Variants in ADAM12 observed in about 807,000 individuals in gnomAD.
ADAM12 encodes the protein disintegrin and metalloproteinase domain-containing protein 12.
A neutral mutation model predicts 106.4 loss-of-function variants in ADAM12; 70 were observed. That is an observed-to-expected ratio of 0.66 (90% CI 0.54 to 0.80). The LOEUF (loss-of-function observed/expected upper bound fraction) is 0.80, where lower values mean the gene tolerates loss of function less well. Among genes scored for constraint, ADAM12 ranks in the 30% least tolerant of loss-of-function variants. ADAM12 has a pLI of 0.00. For missense variants in ADAM12, 1,010 were observed against 1,171.9 expected, an observed-to-expected ratio of 0.86 and a Z score of 2.02; for synonymous variants, 420 against 433.5, an observed-to-expected ratio of 0.97 and a Z score of 0.39.
At chr10:126,369,401 G>A (rs2133917453) in intron 1 of ADAM12, among the ~76,000 whole-genome samples, 1 of 152,310 alleles carries the variant, frequency 6.6e-6, no homozygotes, top group South Asian at 2.1e-4. Flanking sequence ...TGTGATAAGT[G>A]CTCTGACAGA....
At chr10:126,143,220 A>C (rs977380936) in intron 4 of ADAM12, among the ~76,000 whole-genome samples, 9 of 148,480 alleles carry the variant, frequency 6.1e-5, no homozygotes. Flanking sequence ...TATGGTGTGC[A>C]TGTGTGTGTC....
intron 3 of ADAM12, among the ~76,000 whole-genome samples, chr10:126,158,463 T>G (rs1956864465): frequency 1.3e-5 from 1 of 77,350 alleles, no homozygotes; most frequent in African/African-American, 4.7e-5. Context: ...GGGGAGAGAA[T>G]GCACAGAGCA....
Position 126,064,709 on chromosome 10 carries a change from G to A in ADAM12, c.1609+97C>T. The stretch of plus-strand genomic sequence containing the variant: ...GATGCTGTGTGGACAGCGCCCGCCA[G>A]GAGTGGGGGCTAACCAAAACAGAGC... On this transcript the variant is annotated intron_variant, in intron 14 of 22. Transcript: ENST00000448723. This position sits in a 1 kb window ranked among gnomAD's most constrained non-coding sequence, Gnocchi z 4.4. The A allele has an allele frequency of 7.6e-7, 1 of 1,313,204 alleles. No individual in the cohort carries two copies. The highest frequency in any genetic ancestry group is 1.5e-5 in the African/African-American group (1 of 68,806). 81.3% of individuals were successfully genotyped at this position (1,313,204 alleles called of 1,614,324 possible).
At chr10:126,323,983 C>G (rs7902879) in intron 2 of ADAM12, among the ~76,000 whole-genome samples, 32,970 of 152,180 alleles carry the variant, frequency 0.22, 3,833 homozygotes, top group Middle Eastern at 0.31. Context: ...AAGTAAGAAG[C>G]TTGCCTCATG....
intron 2 of ADAM12, among the ~76,000 whole-genome samples, chr10:126,299,705 G>A (rs1305778045): frequency 1.3e-5 from 2 of 151,804 alleles, no homozygotes; most frequent in South Asian, 2.1e-4. Context: ...GTGCAGTGGC[G>A]CAATGTCGGC....
intron 3 of ADAM12, among the ~76,000 whole-genome samples, chr10:126,190,989 C>CT (rs1957488604): frequency 0.069 from 4,712 of 68,684 alleles, 1,866 homozygotes; most frequent in Middle Eastern, 0.13. Context: ...GGAGTTTTGT[C>CT]CTTTTTTTTT....
At chr10:126,038,952 C>CTTTTTTTTTTTTTTTTTTTTTTTTTT (rs34277276) in intron 19 of ADAM12, among the ~76,000 whole-genome samples, 1 of 71,542 alleles carries the variant, frequency 1.4e-5, no homozygotes, top group African/African-American at 5.4e-5. Context: ...GACACCATTT[C>CTTTTTTTTTTTTTTTTTTTTTTTTTT]TTTTTTTTTT....
intron 3 of ADAM12, among the ~76,000 whole-genome samples, chr10:126,183,450 C>T (rs1957349112): frequency 6.6e-6 from 1 of 152,144 alleles, no homozygotes; most frequent in Non-Finnish European, 1.5e-5. Flanking sequence ...GCCCCAGTCC[C>T]AGGATGGCTA....
At position 126,152,741 on chromosome 10, in the gene ADAM12, A is replaced by G. The variant is rs181639643; in HGVS notation, c.339+2486T>C. Reference sequence around the variant, plus strand: ...GTTTTCATTTTTACAAAGAGATTCCATCTATTTACATATAATGAGATTAAT... The same window carrying G: ...GTTTTCATTTTTACAAAGAGATTCCGTCTATTTACATATAATGAGATTAAT... On this transcript the variant is annotated intron_variant, in intron 4 of 22. Coordinates refer to ENST00000448723, the MANE Select transcript of ADAM12 (RefSeq NM_001288973.2). Among the ~76,000 whole-genome samples the G allele has an allele frequency of 5.8e-3, 882 of 152,232 alleles. 9 individuals carry two copies. The highest frequency in any genetic ancestry group is 0.02 in the African/African-American group (850 of 41,570).
chr10:126,078,149 G>A (rs1955138967), intron 11 of ADAM12, among the ~76,000 whole-genome samples: 1 of 152,172 alleles, frequency 6.6e-6, no homozygotes, highest in African/African-American at 2.4e-5. Flanking sequence ...GCAAGGCCAG[G>A]TGCATCACCT....
At chr10:126,227,763 C>A (rs1395519133) in intron 3 of ADAM12, among the ~76,000 whole-genome samples, 1 of 152,108 alleles carries the variant, frequency 6.6e-6, no homozygotes, top group Non-Finnish European at 1.5e-5. Context: ...TCCCAGGGAC[C>A]CCACTGAACA....
At chr10:126,237,220 C>A (rs1958435846) in intron 3 of ADAM12, among the ~76,000 whole-genome samples, 1 of 152,152 alleles carries the variant, frequency 6.6e-6, no homozygotes, top group Admixed American at 6.5e-5. Flanking sequence ...TTATTTTATT[C>A]TTTGCCTTGC....
intron 5 of ADAM12, among the ~76,000 whole-genome samples, chr10:126,121,510 A>ATTATAT: frequency 7.2e-6 from 1 of 139,580 alleles, no homozygotes. Flanking sequence ...ATATAATAGA[A>ATTATAT]AATTATATAT....
rs1954243588 is a variant in ADAM12, at chr10:126,043,846, C to A, written c.1996-698G>T. 6.6e-6 allele frequency among the ~76,000 whole-genome samples: 1 copy of A among 152,176 alleles called. No homozygotes were observed. The highest frequency in any genetic ancestry group is 1.5e-5 in the Non-Finnish European group (1 of 68,032). On this transcript the variant is annotated intron_variant, in intron 17 of 22. Coordinates refer to ENST00000448723, the MANE Select transcript of ADAM12 (RefSeq NM_001288973.2). This position sits in a 1 kb window ranked among gnomAD's most constrained non-coding sequence, Gnocchi z 4.1. ...CAGGGTGCGAATCCAACAGTGGATT[C>A]TTTTCATTGTGAAATAAGAGAATGG...
chr10:126,028,963 CA>C (rs1317386046), intron 21 of ADAM12, among the ~76,000 whole-genome samples: 2 of 152,236 alleles, frequency 1.3e-5, no homozygotes, highest in Non-Finnish European at 2.9e-5. Flanking sequence ...AGACACTTCT[CA>C]AAAGAAGACA....
intron 3 of ADAM12, among the ~76,000 whole-genome samples, chr10:126,228,008 G>C (rs953476161): frequency 2.0e-5 from 3 of 152,098 alleles, no homozygotes; most frequent in African/African-American, 7.2e-5. Context: ...CCTGGATCAG[G>C]GTATGTCTGG....
chr10:126,074,527 T>C (rs1416694520), intron 11 of ADAM12, among the ~76,000 whole-genome samples: 3 of 152,186 alleles, frequency 2.0e-5, no homozygotes, highest in East Asian at 1.9e-4. Context: ...CAGATCATCA[T>C]TGGCAAAGAT....
At chr10:126,022,834 TGAA>T (rs1432045937) in intron 21 of ADAM12, among the ~76,000 whole-genome samples, 2 of 152,246 alleles carry the variant, frequency 1.3e-5, no homozygotes, top group Non-Finnish European at 2.9e-5. Context: ...TTCCAGATAT[TGAA>T]GAAAAATCCA....
At chr10:126,076,587 G>A (rs1955107236) in intron 11 of ADAM12, among the ~76,000 whole-genome samples, 1 of 152,016 alleles carries the variant, frequency 6.6e-6, no homozygotes, top group Admixed American at 6.6e-5. Context: ...ATCTCACTGT[G>A]GTTTTGATTT....
Sources: allele counts gnomAD v4.1 joint callset (sites outside exome capture counted in the v4.1 genomes callset), GRCh38; gene constraint gnomAD v4.1.1; non-coding constraint Gnocchi (gnomAD v3.1); transcripts MANE v1.5; gene names NCBI Gene and HGNC (gene_info 2026-07-23, HGNC 2026-07-21).